Variants in CABYR observed in about 807,000 individuals in gnomAD.
The protein encoded by CABYR is calcium binding tyrosine phosphorylation regulated, also known as calcium-binding tyrosine phosphorylation-regulated protein.
In CABYR, 31 loss-of-function variants were observed where a neutral mutation model predicts 36.1. The ratio of observed to expected loss-of-function variants is 0.86; its 90% CI spans 0.64 to 1.16. The LOEUF (loss-of-function observed/expected upper bound fraction) is 1.16, where lower values mean the gene tolerates loss of function less well. Ranked by LOEUF, CABYR falls within the 50% of genes most tolerant of loss-of-function variation. The pLI, the probability that CABYR is intolerant of heterozygous loss-of-function variation, is 0.00. For synonymous variants in CABYR, 146 were observed against 160.7 expected (o/e 0.91, Z 0.69); for missense variants, 429 against 455.8 (o/e 0.94, Z 0.53).
At chr18:24,158,053 G>T (rs761674885) in intron 4 of CABYR, among the ~76,000 whole-genome samples, 1 of 152,168 alleles carries the variant, frequency 6.6e-6, no homozygotes, top group Non-Finnish European at 1.5e-5. Context: ...GAGCGTGTGG[G>T]ACTGGCACTA....
At chr18:24,150,831 G>A (rs925928238) in intron 3 of CABYR, among the ~76,000 whole-genome samples, 32 of 147,908 alleles carry the variant, frequency 2.2e-4, no homozygotes, top group African/African-American at 8.0e-4. Context: ...CCAGGCTGGA[G>A]TGCAGTAGTG....
At chr18:24,154,802 T>C (rs73967686) in intron 3 of CABYR, among the ~76,000 whole-genome samples, 4,204 of 152,284 alleles carry the variant, frequency 0.028, 151 homozygotes, top group African/African-American at 0.087. Context: ...CTCTAGGATT[T>C]TGTATATGTC....
intron 3 of CABYR, among the ~76,000 whole-genome samples, chr18:24,154,660 A>G (rs1371789542): frequency 1.3e-5 from 2 of 152,250 alleles, no homozygotes; most frequent in Non-Finnish European, 2.9e-5. Flanking sequence ...TGCTTTTCTT[A>G]TAAATTTCAT....
chr18:24,156,655 C>T (rs758701474), intron 4 of CABYR: 2 of 1,614,086 alleles, frequency 1.2e-6, no homozygotes, highest in South Asian at 1.1e-5. Context: ...GAAGCAACAG[C>T]TCTGCTCTCT....
chr18:24,140,072 C>G (rs995195821), intron 1 of CABYR: 1 of 152,104 alleles, frequency 6.6e-6, no homozygotes, highest in African/African-American at 2.4e-5. Context: ...ACTACAGGCA[C>G]CCGCCACCAC....
At chr18:24,161,412 C>G in intron 5 of CABYR, 104 bp from the exon 6 acceptor site, 1 of 697,504 alleles carries the variant, frequency 1.4e-6, no homozygotes, top group South Asian at 1.6e-5. Context: ...AGCTTAGTAA[C>G]AGAGCAGGAG....
intron 3 of CABYR, among the ~76,000 whole-genome samples, chr18:24,144,163 G>A (rs548227646): frequency 6.6e-6 from 1 of 152,266 alleles, no homozygotes; most frequent in South Asian, 2.1e-4. Context: ...CTCCCAAAGT[G>A]CTGGGATTAT....
At position 24,155,785 on chromosome 18, in the gene CABYR, T is replaced by G; in HGVS notation, c.284T>G (p.Val95Gly). The change falls in exon 4 of 6, where the codon GTA becomes GGA. Residue 95 changes from valine (V) to glycine (G), a missense_variant. Physicochemically the swap from Val to Gly is moderately radical, Grantham distance 109. Coordinates refer to ENST00000399496, the MANE Select transcript of CABYR (RefSeq NM_153769.3). ...EPGKTSVESK[V>G]PTQMEKSTDT... ...GGAAAAACATCTGTAGAATCTAAAG[T>G]ACCTACCCAGATGGAAAAATCTACA... The G allele has an allele frequency of 6.2e-7, 1 of 1,614,038 alleles. No homozygotes were observed. Among genetic ancestry groups the G allele is most frequent in the Non-Finnish European group, 8.5e-7 (1 of 1,179,906 alleles).
At chr18:24,158,034 C>T (rs1443972535) in intron 4 of CABYR, among the ~76,000 whole-genome samples, 2 of 152,308 alleles carry the variant, frequency 1.3e-5, no homozygotes, top group East Asian at 3.9e-4. Flanking sequence ...GAGGGCAGCG[C>T]TGGGAGTGGA....
chr18:24,152,418 G>C (rs976263448), intron 3 of CABYR, among the ~76,000 whole-genome samples: 1 of 152,122 alleles, frequency 6.6e-6, no homozygotes, highest in Non-Finnish European at 1.5e-5. Flanking sequence ...TCAGAACCAG[G>C]ACTAGAACCT....
intron 3 of CABYR, 61 bp downstream of exon 3, chr18:24,143,474 T>A: frequency 1.1e-6 from 1 of 903,414 alleles, no homozygotes; most frequent in Non-Finnish European, 1.6e-6. Flanking sequence ...GCATCATGAC[T>A]AGCATATATT....
chr18:24,148,882 A>G (rs2085527198), intron 3 of CABYR, among the ~76,000 whole-genome samples: 1 of 152,058 alleles, frequency 6.6e-6, no homozygotes, highest in Non-Finnish European at 1.5e-5. Context: ...GCAGTGGCAA[A>G]ATTTATTGCA....
At chr18:24,140,354 T>G (rs886769416) in intron 1 of CABYR, 5 of 152,230 alleles carry the variant, frequency 3.3e-5, no homozygotes, top group African/African-American at 1.2e-4. Context: ...ATCAAACATG[T>G]CATGCTGCCT....
chr18:24,154,456 C>G (rs1014740829), intron 3 of CABYR, among the ~76,000 whole-genome samples: 1 of 152,212 alleles, frequency 6.6e-6, no homozygotes, highest in Non-Finnish European at 1.5e-5. Flanking sequence ...CTTTTTGAAT[C>G]TTTCTCTGCA....
Position 24,160,062 on chromosome 18 carries a change from G to A in CABYR, c.1132G>A (p.Glu378Lys), listed in dbSNP as rs1468758049. Residue 378 changes from glutamate (E) to lysine (K), a missense_variant, in exon 5 of 6, where the codon GAA becomes AAA. Physicochemically the swap from Glu to Lys is moderately conservative, Grantham distance 56. Transcript: ENST00000399496. ...TAHKRRKAET[E>K]N ...TCACAAACGTCGCAAAGCAGAAACT[G>A]AAAACTGGTAGGTACACTTTCCTAC... The A allele has an allele frequency of 1.2e-6, 2 of 1,609,132 alleles. No individual in the cohort carries two copies. Among genetic ancestry groups the A allele is most frequent in the Non-Finnish European group, 1.7e-6 (2 of 1,177,088 alleles).
At chr18:24,156,362 T>A in intron 4 of CABYR, 1 of 1,614,230 alleles carries the variant, frequency 6.2e-7, no homozygotes, top group Non-Finnish European at 8.5e-7. Context: ...ATATTGAGGT[T>A]ATGTCAACTG....
chr18:24,156,074 T>C, intron 4 of CABYR, 32 bp downstream of exon 4: 1 of 1,614,204 alleles, frequency 6.2e-7, no homozygotes, highest in African/African-American at 1.3e-5. Context: ...CTGATCAATC[T>C]GATGTGTTAA....
intron 5 of CABYR, 37 bp downstream of exon 5, chr18:24,160,106 A>AC (rs774422498): frequency 1.9e-5 from 26 of 1,359,194 alleles, no homozygotes; most frequent in Non-Finnish European, 2.0e-6. Flanking sequence ...TTAGGCCTTA[A>AC]CACACGCGCG....
chr18:24,147,419 A>T (rs181830016), intron 3 of CABYR, among the ~76,000 whole-genome samples: 1 of 152,194 alleles, frequency 6.6e-6, no homozygotes, highest in South Asian at 2.1e-4. Flanking sequence ...CAGGACAAAG[A>T]TCTCCAATGT....
Sources: gnomAD v4.1 joint callset for allele counts (sites outside exome capture counted in the v4.1 genomes callset) on GRCh38, gnomAD v4.1.1 for gene constraint, MANE v1.5 for transcripts, NCBI Gene and HGNC (gene_info 2026-07-23, HGNC 2026-07-21) for gene names.